Variants in NKTR observed in about 807,000 individuals in gnomAD.
NKTR encodes natural killer cell triggering receptor, also known as NK-tumor recognition protein.
NKTR carries 67 observed loss-of-function variants against 156.3 expected under a neutral mutation model. The observed-to-expected ratio is 0.43, with a 90% CI of 0.35 to 0.53. NKTR has a LOEUF of 0.53. NKTR is among the 20% of genes least tolerant of loss of function. The probability of loss-of-function intolerance (pLI) is 0.01; values close to 1 mark genes in which losing one functional copy is unlikely to be tolerated. For missense variants in NKTR, 1,604 were observed against 1,730.9 expected, an observed-to-expected ratio of 0.93 and a Z score of 1.30; for synonymous variants, 640 against 596.6, an observed-to-expected ratio of 1.07 and a Z score of -1.06.
At chr3:42,636,057 G>C (rs1011154197) in intron 12 of NKTR, among the ~76,000 whole-genome samples, 4 of 152,212 alleles carry the variant, frequency 2.6e-5, no homozygotes, top group African/African-American at 9.7e-5. Flanking sequence ...TTTTTTAGAA[G>C]TGTACACATC....
intron 8 of NKTR, among the ~76,000 whole-genome samples, chr3:42,631,773 T>C (rs1256333575): frequency 2.6e-5 from 4 of 152,190 alleles, no homozygotes; most frequent in Admixed American, 6.5e-5. Context: ...TGGTGGTCTC[T>C]AAGGCCCTGG....
At chr3:42,634,791 A>G in intron 11 of NKTR, 91 bp downstream of exon 11, 1 of 666,348 alleles carries the variant, frequency 1.5e-6, no homozygotes. Flanking sequence ...TAGATATAAT[A>G]CAAAATCTGT....
intron 9 of NKTR, chr3:42,633,273 C>T (rs1216950905): frequency 2.5e-6 from 2 of 809,976 alleles, no homozygotes; most frequent in East Asian, 6.6e-5. Context: ...GACTCCTGTC[C>T]TCAAGCAATC....
Position 42,643,250 on chromosome 3 carries a change from C to G in NKTR, c.4143-89C>G, listed in dbSNP as rs1710048468. 8.9e-6 allele frequency: 9 copies of G among 1,015,206 alleles called. No individual in the cohort carries two copies. The East Asian group carries it at 2.2e-4, about 25-fold the overall frequency. 62.9% of individuals were successfully genotyped at this position (1,015,206 alleles called of 1,614,324 possible). ...CTGTGGGATTTCACTGTATTTTCAC[C>G]TTGATGGGCAAATAAATGTCTAGAT... On this transcript the variant is annotated intron_variant, in intron 14 of 16. Transcript: ENST00000232978.
chr3:42,611,681 C>T (rs1706829059), intron 2 of NKTR, among the ~76,000 whole-genome samples: 1 of 140,910 alleles, frequency 7.1e-6, no homozygotes, highest in African/African-American at 2.7e-5. Flanking sequence ...TGCAGTGAGC[C>T]AAGATCGTGC....
chr3:42,607,969 C>CTTTTTTTTTTTTTTTTTTTTT (rs201803926), intron 2 of NKTR, among the ~76,000 whole-genome samples: 8 of 74,970 alleles, frequency 1.1e-4, no homozygotes, highest in Admixed American at 1.7e-4. Context: ...CTGAGTCGCT[C>CTTTTTTTTTTTTTTTTTTTTT]TTTTTTTTTT....
At chr3:42,629,027 AAGCACTCTTTAC>A in intron 6 of NKTR, 1 of 843,776 alleles carries the variant, frequency 1.2e-6, no homozygotes, top group Non-Finnish European at 1.4e-6. Flanking sequence ...ATAAAAATAA[AAGCACTCTTTAC>A]ATCTTTCATA....
chr3:42,616,463 T>C lies in NKTR; in HGVS notation c.59-1107T>C, dbSNP rs148591244. Among the ~76,000 whole-genome samples, 932 of 152,338 alleles carry C rather than the reference T, an allele frequency of 6.1e-3. 5 individuals are homozygous for C. Among genetic ancestry groups the C allele is most frequent in the Non-Finnish European group, 9.7e-3 (657 of 68,018 alleles). On this transcript the variant is annotated intron_variant, in intron 2 of 16. Transcript: ENST00000232978. Reference sequence around the variant, plus strand: ...GTCAGGTTTTCCAGAGATCATATATTAATATGTGATGATATCACTGCCCTG... The same window carrying C: ...GTCAGGTTTTCCAGAGATCATATATCAATATGTGATGATATCACTGCCCTG...
At chr3:42,644,033 C>G in intron 16 of NKTR, 30 bp downstream of exon 16, 1 of 1,522,150 alleles carries the variant, frequency 6.6e-7, no homozygotes, top group Non-Finnish European at 9.1e-7. Context: ...CGTCCTTTAT[C>G]GCACTGTAGG....
At chr3:42,621,836 C>T (rs999346021) in intron 6 of NKTR, among the ~76,000 whole-genome samples, 2 of 151,910 alleles carry the variant, frequency 1.3e-5, no homozygotes, top group Admixed American at 6.6e-5. Context: ...TAGATTGGAA[C>T]ATAAACTATT....
chr3:42,641,169 C>A (rs190585676), intron 13 of NKTR, among the ~76,000 whole-genome samples: 2 of 152,160 alleles, frequency 1.3e-5, no homozygotes, highest in African/African-American at 4.8e-5. Context: ...GCCTGACACC[C>A]CCATTAGGCT....
At chr3:42,625,978 T>C (rs1322858807) in intron 6 of NKTR, among the ~76,000 whole-genome samples, 2 of 152,140 alleles carry the variant, frequency 1.3e-5, no homozygotes, top group Non-Finnish European at 2.9e-5. Flanking sequence ...GGGTAGAGCA[T>C]TGTCAAGTGG....
chr3:42,643,270 C>CT (rs1301838768), intron 14 of NKTR, 69 bp from the exon 15 acceptor site: 2 of 1,212,556 alleles, frequency 1.6e-6, no homozygotes, highest in East Asian at 4.8e-5. Flanking sequence ...AAATAAATGT[C>CT]TAGATATTTG....
At chr3:42,603,850 C>T (rs960679428) in intron 2 of NKTR, among the ~76,000 whole-genome samples, 1 of 151,754 alleles carries the variant, frequency 6.6e-6, no homozygotes, top group Non-Finnish European at 1.5e-5. Flanking sequence ...ATTCTCCTGC[C>T]TCAGCCTCCC....
rs1330874311 is a variant in NKTR at position 42,617,766 on chromosome 3, AAAAG to A, written c.133+124_133+127del. The A allele has an allele frequency of 1.4e-5, 8 of 579,286 alleles. No individual in the cohort carries two copies. In the African/African-American group the frequency reaches 1.6e-4, roughly 12 times the overall value. The allele number at this position is 579,286 out of a possible 1,614,324, so 35.9% of individuals were successfully genotyped here. ...AATTAGTTTTGTGAATTAAAAAAAA[AAAAG>A]AGTTACTTATACTGACTTTTATATG... is the stretch of plus-strand genomic sequence containing the variant. On this transcript the variant is annotated intron_variant, in intron 3 of 16. Coordinates refer to ENST00000232978, the MANE Select transcript of NKTR (RefSeq NM_005385.4).
chr3:42,642,815 T>C (rs1425802087), intron 14 of NKTR, among the ~76,000 whole-genome samples: 1 of 152,222 alleles, frequency 6.6e-6, no homozygotes, highest in Non-Finnish European at 1.5e-5. Flanking sequence ...AGTAGAAATA[T>C]TTAAGAAGCC....
At chr3:42,606,877 T>A (rs1559549656) in intron 2 of NKTR, among the ~76,000 whole-genome samples, 1 of 151,872 alleles carries the variant, frequency 6.6e-6, no homozygotes, top group East Asian at 1.9e-4. Context: ...GCTTTTTTTT[T>A]AGAGACAGAG....
chr3:42,643,824 C>T (rs1184229824), intron 15 of NKTR, 78 bp from the exon 16 acceptor site: 1 of 1,012,130 alleles, frequency 9.9e-7, no homozygotes. Flanking sequence ...TAGAACACTC[C>T]TGAGATCCTA....
At chr3:42,603,821 C>T (rs1261847338) in intron 2 of NKTR, among the ~76,000 whole-genome samples, 5 of 151,204 alleles carry the variant, frequency 3.3e-5, no homozygotes, top group South Asian at 2.1e-4. Context: ...GTGCAACCTC[C>T]GCCTCCCAGG....
Sources: allele counts gnomAD v4.1 joint callset (sites outside exome capture counted in the v4.1 genomes callset), GRCh38; gene constraint gnomAD v4.1.1; transcripts MANE v1.5; gene names NCBI Gene and HGNC (gene_info 2026-07-23, HGNC 2026-07-21).